EXT1: variants seen among roughly 807,000 people sequenced by gnomAD.
EXT1 encodes exostosin-1.
Under a neutral mutation model 82.5 loss-of-function variants are expected in EXT1, and 20 were observed. That is an observed-to-expected ratio of 0.24 (90% confidence interval 0.17 to 0.35). EXT1 has a LOEUF of 0.35. EXT1 is among the 10% of genes least tolerant of loss of function. The pLI is 1.00. For synonymous variants in EXT1, 348 were observed against 350.8 expected (o/e 0.99, Z 0.09); for missense variants, 757 against 936.5 (o/e 0.81, Z 2.50).
intron 1 of EXT1, among the ~76,000 whole-genome samples, chr8:118,001,233 C>G (rs1815658479): frequency 6.6e-6 from 1 of 152,180 alleles, no homozygotes; most frequent in South Asian, 2.1e-4. Context: ...GTCGCTCAGG[C>G]TGGAGTGTAA....
intron 1 of EXT1, among the ~76,000 whole-genome samples, chr8:117,958,970 T>C (rs1814642648): frequency 6.6e-6 from 1 of 152,136 alleles, no homozygotes; most frequent in African/African-American, 2.4e-5. Context: ...AAGCAATAGG[T>C]TGGGTTTTTC....
At chr8:117,890,241 A>G (rs189297038) in intron 1 of EXT1, among the ~76,000 whole-genome samples, 4 of 152,376 alleles carry the variant, frequency 2.6e-5, no homozygotes, top group Non-Finnish European at 5.9e-5. Flanking sequence ...GTTATTTGCA[A>G]GTGATAATAT....
intron 1 of EXT1, among the ~76,000 whole-genome samples, chr8:117,919,479 C>A (rs1813815544): frequency 1.3e-5 from 2 of 151,328 alleles, no homozygotes; most frequent in South Asian, 4.2e-4. Flanking sequence ...CATGAGCCAC[C>A]ACGCTTGGCC....
intron 1 of EXT1, among the ~76,000 whole-genome samples, chr8:117,979,785 C>T: frequency 6.6e-6 from 1 of 152,154 alleles, no homozygotes; most frequent in East Asian, 1.9e-4. Context: ...GAACAGAATG[C>T]CAGGGGAAAT....
At chr8:117,995,140 A>T (rs1169751938) in intron 1 of EXT1, among the ~76,000 whole-genome samples, 2 of 152,234 alleles carry the variant, frequency 1.3e-5, no homozygotes, top group Non-Finnish European at 2.9e-5. Flanking sequence ...GATCTTAAAA[A>T]TAGATGGAGC....
chr8:118,085,245 T>C (rs951253284), intron 1 of EXT1, among the ~76,000 whole-genome samples: 2 of 152,172 alleles, frequency 1.3e-5, no homozygotes, highest in Admixed American at 6.5e-5. Context: ...TTGGTGTCTG[T>C]CCTCTCTCCC....
At chr8:118,011,937 G>A (rs377710413) in intron 1 of EXT1, among the ~76,000 whole-genome samples, 109 of 152,278 alleles carry the variant, frequency 7.2e-4, no homozygotes, top group African/African-American at 2.4e-3. Flanking sequence ...TACAGAGAGC[G>A]CGAGAGAACA....
chr8:117,960,465 A>C (rs1301713065), intron 1 of EXT1, among the ~76,000 whole-genome samples: 2 of 152,162 alleles, frequency 1.3e-5, no homozygotes, highest in African/African-American at 2.4e-5. Context: ...CCAAACACAA[A>C]TAATTCACCA....
intron 1 of EXT1, among the ~76,000 whole-genome samples, chr8:117,960,443 T>C (rs1010125850): frequency 2.0e-5 from 3 of 152,210 alleles, no homozygotes; most frequent in South Asian, 2.1e-4. Flanking sequence ...TTCCAGTTTT[T>C]ATTTATCTAA....
chr8:118,019,112 G>C (rs1013155004), intron 1 of EXT1, among the ~76,000 whole-genome samples: 1 of 151,874 alleles, frequency 6.6e-6, no homozygotes, highest in Non-Finnish European at 1.5e-5. Context: ...AAACTTAAAG[G>C]AACAGGCACA....
chr8:117,803,609 C>A (rs1272265885), intron 10 of EXT1, among the ~76,000 whole-genome samples: 1 of 152,148 alleles, frequency 6.6e-6, no homozygotes, highest in Non-Finnish European at 1.5e-5. Flanking sequence ...TGTACAAGGA[C>A]AAGCAGTGAA....
At chr8:117,929,855 C>T (rs191172281) in intron 1 of EXT1, among the ~76,000 whole-genome samples, 28 of 152,322 alleles carry the variant, frequency 1.8e-4, no homozygotes, top group Non-Finnish European at 2.9e-4. Flanking sequence ...CACCTGTAAT[C>T]GCAGCACTTT....
rs1270532898 is a variant in EXT1, at chr8:117,799,434, C to T, written c.*278G>A. On this transcript the variant is annotated 3_prime_UTR_variant, in exon 11 of 11. Coordinates refer to ENST00000378204, the MANE Select transcript of EXT1 (RefSeq NM_000127.3). ...AAAAAGTTTAAACCTGCATAGCAAT[C>T]ATTTCAAAAATAATTATTTAATGTT... is the stretch of plus-strand genomic sequence containing the variant. 1 of 423,324 alleles carries T rather than the reference C, an allele frequency of 2.4e-6. No homozygotes were observed. The highest frequency in any genetic ancestry group is 4.3e-6 in the Non-Finnish European group (1 of 233,986). 26.2% of individuals were successfully genotyped at this position (423,324 alleles called of 1,614,324 possible).
At chr8:117,944,616 C>T (rs1193674746) in intron 1 of EXT1, among the ~76,000 whole-genome samples, 1 of 152,116 alleles carries the variant, frequency 6.6e-6, no homozygotes, top group Admixed American at 6.6e-5. Context: ...GTAGGCATGA[C>T]ACATACACAA....
Position 117,968,671 on chromosome 8 carries a change from G to A in EXT1, c.963-131470C>T, listed in dbSNP as rs1192696220. On this transcript the variant is annotated intron_variant, in intron 1 of 10. Transcript: ENST00000378204. ...TGCAAGCTCCACCTCCCGGGTTCAC[G>A]CCATTCTCCTGCCTCAGCCTCCCGA... 2.1e-5 allele frequency among the ~76,000 whole-genome samples: 2 copies of A among 97,536 alleles called. 1 individual carries two copies. Among genetic ancestry groups the A allele is most frequent in the Non-Finnish European group, 3.6e-5 (2 of 56,092 alleles). The allele number at this position is 97,536 out of a possible 152,430, so 64.0% of individuals were successfully genotyped here. A position where few individuals can be genotyped will look rare whatever the true frequency, so the allele number is the denominator to read the frequency against.
intron 10 of EXT1, among the ~76,000 whole-genome samples, chr8:117,800,299 T>A (rs1586987255): frequency 6.6e-6 from 1 of 152,212 alleles, no homozygotes; most frequent in African/African-American, 2.4e-5. Flanking sequence ...TCCTTCCTGT[T>A]TATGTAGTTG....
chr8:117,858,873 G>GA (rs1812632058), intron 1 of EXT1, among the ~76,000 whole-genome samples: 2 of 80,610 alleles, frequency 2.5e-5, no homozygotes, highest in Non-Finnish European at 6.3e-5. Flanking sequence ...AAGAAAGAAA[G>GA]AAAGAAAGAA....
At chr8:117,823,906 T>C (rs567840618) in intron 4 of EXT1, among the ~76,000 whole-genome samples, 160 of 152,346 alleles carry the variant, frequency 1.1e-3, no homozygotes, top group South Asian at 2.5e-3. Context: ...TTATTTTTAC[T>C]TTTTGTGGTA....
At chr8:118,081,548 C>A (rs1817330868) in intron 1 of EXT1, among the ~76,000 whole-genome samples, 1 of 152,186 alleles carries the variant, frequency 6.6e-6, no homozygotes, top group Non-Finnish European at 1.5e-5. Context: ...GTGTTTTCAT[C>A]ACAGAAGCTG....
Sources: allele counts gnomAD v4.1 joint callset (sites outside exome capture counted in the v4.1 genomes callset), GRCh38; gene constraint gnomAD v4.1.1; transcripts MANE v1.5; gene names NCBI Gene and HGNC (gene_info 2026-07-23, HGNC 2026-07-21).